The following UGGT2 variants were observed in gnomAD, a reference collection of about 807,000 sequenced individuals.
The protein encoded by UGGT2 is UDP-glucose glycoprotein glucosyltransferase 2, also known as UDP-glucose:glycoprotein glucosyltransferase 2.
A neutral mutation model predicts 192.1 loss-of-function variants in UGGT2; 180 were observed. The ratio of observed to expected loss-of-function variants is 0.94; its 90% CI spans 0.83 to 1.06. The LOEUF (loss-of-function observed/expected upper bound fraction) is 1.06. Among genes scored for constraint, UGGT2 ranks in the 50% least tolerant of loss-of-function variants. The probability of loss-of-function intolerance (pLI) is 0.00; values close to 1 mark genes in which losing one functional copy is unlikely to be tolerated. For synonymous variants in UGGT2, 580 were observed against 591.0 expected (o/e 0.98, Z 0.27); for missense variants, 1,849 against 1,795.7 (o/e 1.03, Z -0.54).
chr13:96,053,163 C>T lies in UGGT2; in HGVS notation c.150G>A (p.Leu50=). The T allele has an allele frequency of 6.6e-7, 1 of 1,512,398 alleles. No individual in the cohort carries two copies. The highest frequency in any genetic ancestry group is 8.8e-7 in the Non-Finnish European group (1 of 1,135,012). 93.7% of individuals were successfully genotyped at this position (1,512,398 alleles called of 1,614,324 possible). A position where few individuals can be genotyped will look rare whatever the true frequency, so the allele number is the denominator to read the frequency against. ...GCCCGGCCCGCACCCACCTTGCCTC[C>T]AGCAGCAGCGGGGTCTCGGGCCACT... The part of the protein sequence containing the change: ...AAKWPETPLL[L]EASEFMAEES... Residue 50 remains leucine (L), a synonymous_variant, in exon 1 of 39, where the codon CTG becomes CTA. Transcript: ENST00000376747.
intron 20 of UGGT2, among the ~76,000 whole-genome samples, chr13:95,917,259 A>G (rs1271142773): frequency 1.3e-5 from 2 of 152,186 alleles, no homozygotes; most frequent in Non-Finnish European, 2.9e-5. Context: ...TTCTTAAAGA[A>G]AATAATTTCC....
chr13:95,982,985 A>G (rs2051175188), intron 10 of UGGT2, among the ~76,000 whole-genome samples: 1 of 152,204 alleles, frequency 6.6e-6, no homozygotes. Flanking sequence ...ACTCTGTCTC[A>G]GTATGATGGG....
At chr13:95,895,030 G>A in intron 23 of UGGT2, 150 bp downstream of exon 23, 1 of 749,106 alleles carries the variant, frequency 1.3e-6, no homozygotes, top group Non-Finnish European at 2.0e-6. Context: ...TGAGTAAATG[G>A]ATGCCTTTTA....
At chr13:95,844,496 G>A (rs1888190278) in intron 36 of UGGT2, among the ~76,000 whole-genome samples, 1 of 152,156 alleles carries the variant, frequency 6.6e-6, no homozygotes, top group Admixed American at 6.5e-5. Flanking sequence ...TCTCTCAGCA[G>A]TTTTGTAGTT....
intron 1 of UGGT2, among the ~76,000 whole-genome samples, chr13:96,052,195 T>C (rs1473978524): frequency 1.3e-5 from 2 of 152,226 alleles, no homozygotes; most frequent in African/African-American, 4.8e-5. Flanking sequence ...GAGACTATTA[T>C]TCTAAGTGAA....
chr13:95,906,738 A>C (rs1181615819), intron 20 of UGGT2, among the ~76,000 whole-genome samples: 2 of 152,234 alleles, frequency 1.3e-5, no homozygotes, highest in African/African-American at 4.8e-5. Context: ...TGTATACAAA[A>C]GAATCTCAGT....
At position 95,822,393 on chromosome 13, in the gene UGGT2, T is replaced by C. The variant is rs75734097; in HGVS notation, c.4528+10534A>G. On this transcript the variant is annotated intron_variant, in intron 38 of 38. Coordinates refer to ENST00000376747, the MANE Select transcript of UGGT2 (RefSeq NM_020121.4). ...TACTGATTTGTGTGCAGTGACTTTG[T>C]AGCCTGAGACTTTATTGAATTAGTT... 4.6e-5 allele frequency among the ~76,000 whole-genome samples: 7 copies of C among 152,260 alleles called. No homozygotes were observed. In the East Asian group the frequency reaches 1.2e-3, roughly 25 times the overall value.
At chr13:96,039,826 CT>C (rs2053115963) in intron 1 of UGGT2, among the ~76,000 whole-genome samples, 1 of 152,162 alleles carries the variant, frequency 6.6e-6, no homozygotes, top group African/African-American at 2.4e-5. Context: ...CAAGGGTTAC[CT>C]TTCTTCTAGA....
chr13:95,895,287 A>G lies in UGGT2; in HGVS notation c.2652T>C (p.Asp884=). The change falls in exon 23 of 39, where the codon GAT becomes GAC. Residue 884 remains aspartate, a synonymous_variant. Coordinates refer to ENST00000376747, the MANE Select transcript of UGGT2 (RefSeq NM_020121.4). ...VSNGRFLGPL[D]EDFYAEDFYL... ...AAAAATCTTCTGCATAAAAATCTTCATCTAAAGGTCCTAAGAACTTAAAAT... is the reference window on the plus strand; with the variant it reads ...AAAAATCTTCTGCATAAAAATCTTCGTCTAAAGGTCCTAAGAACTTAAAAT... The G allele has an allele frequency of 6.7e-7, 1 of 1,485,708 alleles. No individual in the cohort carries two copies. Among genetic ancestry groups the G allele is most frequent in the Non-Finnish European group, 9.2e-7 (1 of 1,088,538 alleles). 92.0% of individuals were successfully genotyped at this position (1,485,708 alleles called of 1,614,324 possible).
At chr13:95,837,971 G>A (rs963181670) in intron 36 of UGGT2, among the ~76,000 whole-genome samples, 4 of 151,926 alleles carry the variant, frequency 2.6e-5, no homozygotes, top group African/African-American at 9.7e-5. Context: ...AATGCAATAA[G>A]ACAAGAAAAG....
intron 5 of UGGT2, among the ~76,000 whole-genome samples, chr13:96,012,220 A>G (rs1436951274): frequency 6.6e-6 from 1 of 152,090 alleles, no homozygotes; most frequent in African/African-American, 2.4e-5. Flanking sequence ...AAGTATGTGA[A>G]GACCAATAAT....
At chr13:95,933,583 T>G (rs1288398722) in intron 17 of UGGT2, among the ~76,000 whole-genome samples, 1 of 152,228 alleles carries the variant, frequency 6.6e-6, no homozygotes, top group African/African-American at 2.4e-5. Context: ...TAGTTATTTC[T>G]TTTCTTCTGC....
At position 95,802,532 on chromosome 13, in the gene UGGT2, C is replaced by T. The variant is rs1884107152; in HGVS notation, c.4529-720G>A. 2.0e-5 allele frequency among the ~76,000 whole-genome samples: 3 copies of T among 152,288 alleles called. 1 individual carries two copies. In the South Asian group the frequency reaches 6.2e-4, roughly 32 times the overall value. On this transcript the variant is annotated intron_variant, in intron 38 of 38. Transcript: ENST00000376747. Reference sequence around the variant, plus strand: ...GAACGAGGGAAGTGGTTACAAGACACTTGTTGGGGCAAAGTTACCAATGAA... The same window carrying T: ...GAACGAGGGAAGTGGTTACAAGACATTTGTTGGGGCAAAGTTACCAATGAA...
chr13:95,899,272 C>T lies in UGGT2; in HGVS notation c.2634+1535G>A, dbSNP rs560540574. The stretch of plus-strand genomic sequence containing the variant: ...TCTTTATAAATTAGCCAGTCTGTGG[C>T]ATATTTTTATAGCAGCATAAACATA... On this transcript the variant is annotated intron_variant, in intron 22 of 38. Coordinates refer to ENST00000376747, the MANE Select transcript of UGGT2 (RefSeq NM_020121.4). 1.9e-3 allele frequency among the ~76,000 whole-genome samples: 289 copies of T among 152,242 alleles called. 1 individual carries two copies. The highest frequency in any genetic ancestry group is 6.8e-3 in the African/African-American group (283 of 41,554).
Position 95,890,864 on chromosome 13 carries a change from C to T in UGGT2, c.2956G>A (p.Val986Ile), listed in dbSNP as rs1312275069. ...REAQKMAQLL[V>I]VLGKIINMKI... The stretch of plus-strand genomic sequence containing the variant: ...TAGTCTAATTTATATTATCTTACAA[C>T]CAACAACTGTGCCATTTTCTGTGCT... The change falls in exon 25 of 39, where the codon GTT becomes ATT. Residue 986 changes from valine (V) to isoleucine (I), a missense_variant and splice_region_variant. Transcript: ENST00000376747. The T allele has an allele frequency of 6.2e-7, 1 of 1,608,712 alleles. No individual in the cohort carries two copies. Among genetic ancestry groups the T allele is most frequent in the East Asian group, 2.2e-5 (1 of 44,698 alleles).
intron 38 of UGGT2, among the ~76,000 whole-genome samples, chr13:95,829,073 T>A (rs953667452): frequency 6.6e-6 from 1 of 152,180 alleles, no homozygotes; most frequent in Non-Finnish European, 1.5e-5. Flanking sequence ...AAAAACCACA[T>A]GATTGTGTCA....
chr13:95,965,981 T>A (rs541490347), intron 12 of UGGT2, among the ~76,000 whole-genome samples: 1 of 152,166 alleles, frequency 6.6e-6, no homozygotes, highest in Non-Finnish European at 1.5e-5. Flanking sequence ...GAAAACACTA[T>A]GGAGATTCCT....
rs141681967 is a variant in UGGT2 at position 96,039,605 on chromosome 13, T to C, written c.159-7634A>G. ...CTGGATAGGCTGAGAACCTCCAAAATCATCAAGTGTTGGTTCCTTTTTCCT... is the reference window on the plus strand; with the variant it reads ...CTGGATAGGCTGAGAACCTCCAAAACCATCAAGTGTTGGTTCCTTTTTCCT... On this transcript the variant is annotated intron_variant, in intron 1 of 38. Coordinates refer to ENST00000376747, the MANE Select transcript of UGGT2 (RefSeq NM_020121.4). Among the ~76,000 whole-genome samples, 779 of 152,320 alleles carry C rather than the reference T, an allele frequency of 5.1e-3. 11 individuals carry two copies. The highest frequency in any genetic ancestry group is 0.018 in the African/African-American group (748 of 41,578).
At chr13:95,815,994 G>T (rs575540476) in intron 38 of UGGT2, among the ~76,000 whole-genome samples, 1 of 152,038 alleles carries the variant, frequency 6.6e-6, no homozygotes, top group Non-Finnish European at 1.5e-5. Context: ...CTTCTCTCTC[G>T]TGGTCCTGTT....
Sources: gnomAD v4.1 joint callset for allele counts (sites outside exome capture counted in the v4.1 genomes callset) on GRCh38, gnomAD v4.1.1 for gene constraint, MANE v1.5 for transcripts, NCBI Gene and HGNC (gene_info 2026-07-23, HGNC 2026-07-21) for gene names.